The following MAPRE2 variants were observed in gnomAD, a reference collection of about 807,000 sequenced individuals.
MAPRE2 encodes microtubule-associated protein RP/EB family member 2.
Under a neutral mutation model 43.2 loss-of-function variants are expected in MAPRE2, and 13 were observed. The observed-to-expected ratio is 0.30, with a 90% CI of 0.20 to 0.48. MAPRE2 has a LOEUF of 0.48. MAPRE2 is among the 20% of genes least tolerant of loss of function. The probability of loss-of-function intolerance (pLI) is 0.99; values close to 1 mark genes in which losing one functional copy is unlikely to be tolerated. For synonymous variants in MAPRE2, 135 were observed against 148.8 expected, an observed-to-expected ratio of 0.91 and a Z score of 0.68; for missense variants, 161 against 400.2, an observed-to-expected ratio of 0.40 and a Z score of 5.10.
intron 1 of MAPRE2, among the ~76,000 whole-genome samples, chr18:35,052,711 C>A (rs1420605547): frequency 2.6e-5 from 4 of 152,122 alleles, no homozygotes; most frequent in Non-Finnish European, 5.9e-5. Flanking sequence ...GTTTCACATC[C>A]TTGGCAACAC....
At chr18:35,126,863 C>T in intron 4 of MAPRE2, 85 bp from the exon 5 acceptor site, 2 of 1,180,122 alleles carry the variant, frequency 1.7e-6, no homozygotes, top group Non-Finnish European at 2.5e-6. Context: ...TTGTTGTAAG[C>T]TCTTTTCATA....
At chr18:35,134,561 C>T (rs1875888515) in intron 6 of MAPRE2, among the ~76,000 whole-genome samples, 1 of 152,202 alleles carries the variant, frequency 6.6e-6, no homozygotes, top group African/African-American at 2.4e-5. Context: ...GAGTTACCTC[C>T]CTCGCCGAGT....
At chr18:35,005,509 G>A (rs1338657113) in exon 2 of MAPRE2, 3 of 1,541,344 alleles carry the variant, frequency 1.9e-6, no homozygotes, top group East Asian at 4.9e-5. Context: ...TTTCCCAGAG[G>A]AACAGTTCAT....
chr18:34,980,023 C>CTTTTTTTT (rs1450524683), intron 1 of MAPRE2, among the ~76,000 whole-genome samples: 66 of 132,482 alleles, frequency 5.0e-4, no homozygotes, highest in African/African-American at 1.8e-3. Context: ...TTTTCTTTTT[C>CTTTTTTTT]TTTTTTTCTT....
At chr18:35,011,537 T>G (rs2097034666) in intron 2 of MAPRE2, among the ~76,000 whole-genome samples, 1 of 152,186 alleles carries the variant, frequency 6.6e-6, no homozygotes, top group Non-Finnish European at 1.5e-5. Context: ...TAAAAGATGT[T>G]GAAGTCCTTT....
chr18:34,992,948 A>G (rs887431789), intron 1 of MAPRE2, among the ~76,000 whole-genome samples: 1 of 152,182 alleles, frequency 6.6e-6, no homozygotes, highest in Non-Finnish European at 1.5e-5. Context: ...TCCATATATC[A>G]TATCCCATTA....
intron 1 of MAPRE2, among the ~76,000 whole-genome samples, chr18:34,988,380 G>C (rs1029676205): frequency 9.7e-4 from 148 of 152,270 alleles, no homozygotes; most frequent in African/African-American, 3.4e-3. Flanking sequence ...AGTAGCTTGA[G>C]TTTTAAAACT....
intron 4 of MAPRE2, among the ~76,000 whole-genome samples, chr18:35,102,888 A>G (rs956312913): frequency 5.3e-5 from 8 of 152,200 alleles, no homozygotes; most frequent in Non-Finnish European, 1.2e-4. Flanking sequence ...ATCATCCAAA[A>G]TCATGTTTCC....
chr18:35,005,433 C>T, intron 1 of MAPRE2: 1 of 1,067,190 alleles, frequency 9.4e-7, no homozygotes, highest in Non-Finnish European at 1.4e-6. Flanking sequence ...TCTTTGCTTC[C>T]ATATTTTCAT....
chr18:35,093,189 G>A (rs1166754040), intron 2 of MAPRE2, among the ~76,000 whole-genome samples: 1 of 124,680 alleles, frequency 8.0e-6, no homozygotes, highest in East Asian at 2.5e-4. Flanking sequence ...TCCAGGTTAG[G>A]AGACAGAGCA....
upstream of MAPRE2, among the ~76,000 whole-genome samples, chr18:35,040,240 G>A (rs2097052950): frequency 6.6e-6 from 1 of 152,148 alleles, no homozygotes; most frequent in Non-Finnish European, 1.5e-5. Flanking sequence ...CTCCTCTCTG[G>A]AGGACAGTAC....
intron 4 of MAPRE2, among the ~76,000 whole-genome samples, chr18:35,110,735 T>C (rs575571592): frequency 6.6e-6 from 1 of 152,250 alleles, no homozygotes; most frequent in South Asian, 2.1e-4. Flanking sequence ...CTGGGTTTTG[T>C]TTTTCCTTTT....
intron 4 of MAPRE2, among the ~76,000 whole-genome samples, chr18:35,117,225 T>C (rs1347234061): frequency 2.6e-5 from 4 of 152,196 alleles, no homozygotes; most frequent in Non-Finnish European, 5.9e-5. Flanking sequence ...CAGAGATCCC[T>C]GGACCAGGAG....
chr18:35,108,130 A>G (rs999410060), intron 4 of MAPRE2, among the ~76,000 whole-genome samples: 4 of 151,996 alleles, frequency 2.6e-5, no homozygotes, highest in Admixed American at 6.6e-5. Context: ...CTCACCCACA[A>G]CACCCAAACA....
intron 2 of MAPRE2, among the ~76,000 whole-genome samples, chr18:35,035,092 G>T (rs1448908731): frequency 6.6e-6 from 1 of 151,998 alleles, no homozygotes; most frequent in African/African-American, 2.4e-5. Flanking sequence ...ATTCACTATA[G>T]CAAAGACTTG....
chr18:35,070,333 T>C lies in MAPRE2; in HGVS notation c.250+11T>C, dbSNP rs755189271. 6 of 1,580,408 alleles carry C rather than the reference T, an allele frequency of 3.8e-6. No individual in the cohort carries two copies. In the Admixed American group the frequency reaches 9.3e-5, roughly 24 times the overall value. The stretch of plus-strand genomic sequence containing the variant: ...AACAGCTTTGTTCAGGTAAGACATA[T>C]TCTTTTAAGTGTTTACCTAAATATT... On this transcript the variant is annotated intron_variant, in intron 2 of 6. Transcript: ENST00000300249.
At chr18:35,104,162 G>A (rs369525165) in intron 4 of MAPRE2, among the ~76,000 whole-genome samples, 102 of 152,132 alleles carry the variant, frequency 6.7e-4, no homozygotes, top group African/African-American at 2.2e-3. Flanking sequence ...TAATTGTGGC[G>A]ATATCAAATA....
intron 1 of MAPRE2, among the ~76,000 whole-genome samples, chr18:35,048,661 T>C (rs2150603579): frequency 6.7e-6 from 1 of 149,178 alleles, no homozygotes; most frequent in Non-Finnish European, 1.5e-5. Flanking sequence ...GTGTTTATAG[T>C]ATATGTATTA....
chr18:34,977,893 C>T (rs767494315), intron 1 of MAPRE2, among the ~76,000 whole-genome samples: 3 of 152,164 alleles, frequency 2.0e-5, no homozygotes, highest in Non-Finnish European at 4.4e-5. Context: ...ACGCGGAAAG[C>T]GGTCCCCTCT....
Sources: allele counts gnomAD v4.1 joint callset (sites outside exome capture counted in the v4.1 genomes callset), GRCh38; gene constraint gnomAD v4.1.1; transcripts MANE v1.5; gene names NCBI Gene and HGNC (gene_info 2026-07-23, HGNC 2026-07-21).